The following C13orf46 variants were observed in gnomAD, a reference collection of about 807,000 sequenced individuals.
The protein encoded by C13orf46 is uncharacterized protein C13orf46.
intron 6 of C13orf46, among the ~76,000 whole-genome samples, chr13:113,960,168 A>G (rs2138981623): frequency 6.6e-6 from 1 of 152,208 alleles, no homozygotes; most frequent in East Asian, 1.9e-4. Context: ...AGGCAGGAGA[A>G]TGGCGTGAAC....
the C13orf46 span, among the ~76,000 whole-genome samples, chr13:113,945,593 GAAAGAAAGAAAGA>G: frequency 1.6e-4 from 20 of 122,440 alleles, no homozygotes; most frequent in African/African-American, 3.5e-4. Context: ...GAGAGAGAGA[GAAAGAAAGAAAGA>G]AGAAAGAAAG....
At chr13:113,943,745 G>A in the C13orf46 span, among the ~76,000 whole-genome samples, 5 of 152,332 alleles carry the variant, frequency 3.3e-5, no homozygotes, top group African/African-American at 4.8e-5. Flanking sequence ...GTTGGTGGGT[G>A]ATGACGAGTG....
the C13orf46 span, among the ~76,000 whole-genome samples, chr13:113,939,179 C>T: frequency 6.6e-6 from 1 of 152,192 alleles, no homozygotes; most frequent in African/African-American, 2.4e-5. Context: ...CCTTCAGGTC[C>T]CGGCCCTTTG....
rs2052509584 is a variant in C13orf46 at position 113,954,916 on chromosome 13, A to T, written c.*1857T>A. ...CGAGGAGCATCTGGCGGAGACGAGG[A>T]GGAGCATCTGGCGGAGACGAGGAGG... is the stretch of plus-strand genomic sequence containing the variant. On this transcript the variant is annotated 3_prime_UTR_variant, in exon 7 of 7. Transcript: ENST00000636427. The T allele has an allele frequency of 5.6e-6, 1 of 179,626 alleles. No homozygotes were observed. Among genetic ancestry groups the T allele is most frequent in the South Asian group, 9.5e-5 (1 of 10,564 alleles). The allele number at this position is 179,626 out of a possible 1,614,324, so 11.1% of individuals were successfully genotyped here.
At chr13:113,930,340 G>A in the C13orf46 span, among the ~76,000 whole-genome samples, 2 of 150,964 alleles carry the variant, frequency 1.3e-5, no homozygotes, top group Non-Finnish European at 3.0e-5. Flanking sequence ...CGGGGTGGGA[G>A]TGGAGGAGCA....
chr13:113,932,306 G>A, the C13orf46 span, among the ~76,000 whole-genome samples: 8 of 152,204 alleles, frequency 5.3e-5, no homozygotes, highest in Non-Finnish European at 7.3e-5. Flanking sequence ...AGAAATGGCC[G>A]AACCGTTCCC....
At chr13:113,948,932 A>T (rs1206826640), downstream of C13orf46, among the ~76,000 whole-genome samples, 1 of 152,180 alleles carries the variant, frequency 6.6e-6, no homozygotes. Context: ...ACATTTGTTT[A>T]CCCTAATGAG....
chr13:113,931,063 G>T, the C13orf46 span, among the ~76,000 whole-genome samples: 2 of 152,156 alleles, frequency 1.3e-5, no homozygotes, highest in East Asian at 3.9e-4. Context: ...GTGTGTATTT[G>T]CCCCGTGTTT....
chr13:113,951,844 G>C (rs2052490071), downstream of C13orf46, among the ~76,000 whole-genome samples: 1 of 152,246 alleles, frequency 6.6e-6, no homozygotes, highest in Admixed American at 6.5e-5. Flanking sequence ...AGAGGCTGGG[G>C]ACCGGCGGCA....
intron 1 of C13orf46, among the ~76,000 whole-genome samples, chr13:113,972,520 G>A (rs905805125): frequency 1.3e-5 from 2 of 151,756 alleles, no homozygotes; most frequent in African/African-American, 4.8e-5. Context: ...GCGCCAGCTC[G>A]CAGCTCCGTG....
the C13orf46 span, among the ~76,000 whole-genome samples, chr13:113,936,335 CG>C: frequency 6.6e-6 from 1 of 152,278 alleles, no homozygotes; most frequent in South Asian, 2.1e-4. Flanking sequence ...AGTGAGGATG[CG>C]GTATTGGCCC....
chr13:113,936,258 T>C, the C13orf46 span, among the ~76,000 whole-genome samples: 3 of 152,174 alleles, frequency 2.0e-5, no homozygotes, highest in African/African-American at 4.8e-5. Flanking sequence ...GCAACATCCA[T>C]GAGTGTTGAT....
At chr13:113,927,542 CT>C in the C13orf46 span, 2 of 398,814 alleles carry the variant, frequency 5.0e-6, no homozygotes, top group Non-Finnish European at 8.8e-6. Flanking sequence ...AGCCCAGTCC[CT>C]TGCTCCACAC....
the C13orf46 span, among the ~76,000 whole-genome samples, chr13:113,940,629 TCTC>T: frequency 7.4e-4 from 12 of 16,200 alleles, 2 homozygotes; most frequent in African/African-American, 2.9e-3. Context: ...GAGATCCTGG[TCTC>T]CTCTGGGACT....
At chr13:113,969,746 A>C (rs2052684322) in intron 2 of C13orf46, among the ~76,000 whole-genome samples, 1 of 152,280 alleles carries the variant, frequency 6.6e-6, no homozygotes, top group Non-Finnish European at 1.5e-5. Flanking sequence ...GGCAGTACGA[A>C]GTGGGGATGT....
At chr13:113,951,279 C>G (rs879223652), downstream of C13orf46, among the ~76,000 whole-genome samples, 85,574 of 152,082 alleles carry the variant, frequency 0.56, 25,977 homozygotes, top group Non-Finnish European at 0.68. Context: ...CCTGAGCCCT[C>G]AGCACCGGGG....
chr13:113,934,193 C>T, the C13orf46 span, among the ~76,000 whole-genome samples: 13 of 152,204 alleles, frequency 8.5e-5, no homozygotes, highest in Middle Eastern at 3.2e-3. Flanking sequence ...TTGCTGAGCA[C>T]GTTGTGTGGT....
intron 5 of C13orf46, among the ~76,000 whole-genome samples, chr13:113,965,676 G>A (rs929199286): frequency 5.4e-5 from 8 of 147,016 alleles, no homozygotes; most frequent in Non-Finnish European, 1.2e-4. Context: ...TTATAATGGT[G>A]ATGGTGATGA....
the C13orf46 span, among the ~76,000 whole-genome samples, chr13:113,929,022 G>T: frequency 1.3e-5 from 2 of 152,240 alleles, no homozygotes; most frequent in Non-Finnish European, 2.9e-5. Context: ...TCCAGTAGCC[G>T]GATGCTCTGC....
Sources: gnomAD v4.1 joint callset for allele counts (sites outside exome capture counted in the v4.1 genomes callset) on GRCh38, gnomAD v4.1.1 for gene constraint, MANE v1.5 for transcripts, NCBI Gene and HGNC (gene_info 2026-07-23, HGNC 2026-07-21) for gene names.